EDN1: variants seen among roughly 807,000 people sequenced by gnomAD.
EDN1 encodes the protein endothelin-1.
A neutral mutation model predicts 21.7 loss-of-function variants in EDN1; 11 were observed. That is an observed-to-expected ratio of 0.51 (90% CI 0.32 to 0.84). The LOEUF (loss-of-function observed/expected upper bound fraction) is 0.84. EDN1 is among the 40% of genes least tolerant of loss of function. The pLI is 0.03. For missense variants in EDN1, 244 were observed against 262.3 expected (o/e 0.93, Z 0.48); for synonymous variants, 85 against 90.6 (o/e 0.94, Z 0.35).
chr6:12,251,929 A>G, the EDN1 span, among the ~76,000 whole-genome samples: 1 of 152,178 alleles, frequency 6.6e-6, no homozygotes, highest in Non-Finnish European at 1.5e-5. Flanking sequence ...GCACAGAGAG[A>G]TGGATCTGAG....
At chr6:12,294,183 G>T in intron 3 of EDN1, 78 bp from the exon 4 acceptor site, 1 of 1,613,146 alleles carries the variant, frequency 6.2e-7, no homozygotes, top group Non-Finnish European at 8.5e-7. Flanking sequence ...GTTTTAGAGA[G>T]ACTAACAGAG....
upstream of EDN1, among the ~76,000 whole-genome samples, chr6:12,288,558 CTGGGTGTGGGTG>C (rs10478685): frequency 3.3e-5 from 5 of 152,214 alleles, no homozygotes; most frequent in African/African-American, 1.2e-4. Flanking sequence ...GGAGGCATCT[CTGGGTGTGGGTG>C]TGGGTGTGGG....
chr6:12,255,901 T>C, the EDN1 span, among the ~76,000 whole-genome samples: 37,571 of 152,144 alleles, frequency 0.25, 5,623 homozygotes, highest in Non-Finnish European at 0.34. Flanking sequence ...TCTAAAGATA[T>C]GTTGGAATGT....
the EDN1 span, among the ~76,000 whole-genome samples, chr6:12,277,724 A>G: frequency 6.6e-6 from 1 of 152,238 alleles, no homozygotes; most frequent in Non-Finnish European, 1.5e-5. Context: ...TTGGACCAGT[A>G]CAAGAGGTTG....
the EDN1 span, among the ~76,000 whole-genome samples, chr6:12,265,800 G>A: frequency 1.3e-5 from 2 of 152,250 alleles, no homozygotes; most frequent in African/African-American, 4.8e-5. Flanking sequence ...AGTCCTAAAT[G>A]ACTTATTTAG....
chr6:12,289,012 G>T (rs1368047067), upstream of EDN1, among the ~76,000 whole-genome samples: 1 of 152,120 alleles, frequency 6.6e-6, no homozygotes, highest in Non-Finnish European at 1.5e-5. Flanking sequence ...AAAAATTCTG[G>T]GTGCTCAGTT....
chr6:12,287,541 C>T (rs1232747768), upstream of EDN1, among the ~76,000 whole-genome samples: 1 of 151,998 alleles, frequency 6.6e-6, no homozygotes, highest in Non-Finnish European at 1.5e-5. Context: ...TCCCTCTGCC[C>T]CTACAGGAGG....
chr6:12,286,146 GA>G (rs1243754126), upstream of EDN1, among the ~76,000 whole-genome samples: 1 of 152,220 alleles, frequency 6.6e-6, no homozygotes, highest in Non-Finnish European at 1.5e-5. Flanking sequence ...GCAGTTTAAT[GA>G]ATAACTGAAC....
the EDN1 span, among the ~76,000 whole-genome samples, chr6:12,273,517 G>T: frequency 4.9e-3 from 730 of 149,034 alleles, 6 homozygotes; most frequent in African/African-American, 0.017. Flanking sequence ...GAAAATTTAA[G>T]ACAATACCAA....
the EDN1 span, among the ~76,000 whole-genome samples, chr6:12,252,815 A>G: frequency 2.3e-4 from 35 of 152,218 alleles, no homozygotes; most frequent in Non-Finnish European, 3.8e-4. Context: ...AGGTATACAA[A>G]GATGAATAAA....
the EDN1 span, among the ~76,000 whole-genome samples, chr6:12,268,185 A>G: frequency 1.3e-5 from 2 of 152,172 alleles, no homozygotes; most frequent in African/African-American, 2.4e-5. Flanking sequence ...TGGATCAAGG[A>G]GTAATTTTGA....
At chr6:12,258,260 T>G in the EDN1 span, among the ~76,000 whole-genome samples, 8 of 149,362 alleles carry the variant, frequency 5.4e-5, no homozygotes, top group East Asian at 1.6e-3. Context: ...GAGACCAGAC[T>G]GGGCAACATA....
At chr6:12,262,927 G>A in the EDN1 span, among the ~76,000 whole-genome samples, 7 of 151,172 alleles carry the variant, frequency 4.6e-5, no homozygotes, top group African/African-American at 1.7e-4. Context: ...TACTCTCCCA[G>A]TTCTCCAAAT....
the EDN1 span, among the ~76,000 whole-genome samples, chr6:12,263,595 C>T: frequency 6.6e-6 from 1 of 152,134 alleles, no homozygotes; most frequent in Non-Finnish European, 1.5e-5. Context: ...AGAGTTCTCA[C>T]GGAAAAACCT....
At chr6:12,244,620 A>T in the EDN1 span, among the ~76,000 whole-genome samples, 1 of 152,246 alleles carries the variant, frequency 6.6e-6, no homozygotes, top group African/African-American at 2.4e-5. Flanking sequence ...AAATGCTTCC[A>T]TGCAAAAATA....
chr6:12,254,852 T>C, the EDN1 span, among the ~76,000 whole-genome samples: 1 of 152,182 alleles, frequency 6.6e-6, no homozygotes, highest in Non-Finnish European at 1.5e-5. Context: ...CAAATTATGC[T>C]TATGATTTAG....
chr6:12,293,461 G>A (rs547184200), intron 2 of EDN1, among the ~76,000 whole-genome samples: 30 of 152,326 alleles, frequency 2.0e-4, no homozygotes, highest in African/African-American at 7.0e-4. Context: ...CACTGGGGTC[G>A]GTGGGGTGAC....
At chr6:12,276,906 A>G in the EDN1 span, among the ~76,000 whole-genome samples, 1 of 152,250 alleles carries the variant, frequency 6.6e-6, no homozygotes, top group Non-Finnish European at 1.5e-5. Context: ...TGATAAATAT[A>G]AATCTGTTAA....
At chr6:12,288,227 G>A (rs934388002), upstream of EDN1, among the ~76,000 whole-genome samples, 4 of 147,770 alleles carry the variant, frequency 2.7e-5, no homozygotes, top group African/African-American at 1.0e-4. Flanking sequence ...TTTGGTCAAA[G>A]TTGCCAAAAG....
Sources: gnomAD v4.1 joint callset for allele counts (sites outside exome capture counted in the v4.1 genomes callset) on GRCh38, gnomAD v4.1.1 for gene constraint, MANE v1.5 for transcripts, NCBI Gene and HGNC (gene_info 2026-07-23, HGNC 2026-07-21) for gene names.